Variants in NRCAM observed in about 807,000 individuals in gnomAD.
The protein encoded by NRCAM is neuronal cell adhesion molecule.
NRCAM carries 83 observed loss-of-function variants against 156.5 expected under a neutral mutation model. The observed-to-expected ratio is 0.53, with a 90% CI of 0.44 to 0.64. The LOEUF (loss-of-function observed/expected upper bound fraction) is 0.64, where lower values mean the gene tolerates loss of function less well. Among genes scored for constraint, NRCAM ranks in the 30% least tolerant of loss-of-function variants. NRCAM has a pLI of 0.00. For synonymous variants in NRCAM, 538 were observed against 563.9 expected, an observed-to-expected ratio of 0.95 and a Z score of 0.65; for missense variants, 1,417 against 1,597.3, an observed-to-expected ratio of 0.89 and a Z score of 1.92.
At position 108,440,784 on chromosome 7, in the gene NRCAM, A is replaced by G. The variant is rs571802014; in HGVS notation, c.-332+15459T>C. Among the ~76,000 whole-genome samples the G allele has an allele frequency of 6.2e-4, 95 of 152,322 alleles. 1 individual carries two copies. The highest frequency in any genetic ancestry group is 1.9e-4 in the East Asian group (1 of 5,188). ...AAAGGTCAGAAGCGGTGAGTTCTGG[A>G]GTTCTTTATGGTGTCCTGGGAATGC... On this transcript the variant is annotated intron_variant, in intron 1 of 32. Coordinates refer to ENST00000379028, the MANE Select transcript of NRCAM (RefSeq NM_001037132.4).
At chr7:108,350,364 C>CT (rs1211872923) in intron 2 of NRCAM, among the ~76,000 whole-genome samples, 1 of 152,194 alleles carries the variant, frequency 6.6e-6, no homozygotes, top group East Asian at 1.9e-4. Flanking sequence ...ATCTGTGACT[C>CT]TTTACTCATC....
chr7:108,189,773 G>C, intron 19 of NRCAM, 27 bp from the exon 20 acceptor site: 1 of 831,266 alleles, frequency 1.2e-6, no homozygotes, highest in Non-Finnish European at 2.1e-6. Flanking sequence ...CACACATCAT[G>C]GTCACGCATC....
chr7:108,348,368 TG>T (rs914846091), intron 2 of NRCAM, among the ~76,000 whole-genome samples: 3 of 152,070 alleles, frequency 2.0e-5, no homozygotes, highest in African/African-American at 7.2e-5. Context: ...AGGCTGAGCC[TG>T]GGGGTTGTGA....
intron 3 of NRCAM, among the ~76,000 whole-genome samples, chr7:108,299,134 GA>G (rs1212155849): frequency 1.2e-5 from 1 of 85,570 alleles, no homozygotes; most frequent in Non-Finnish European, 2.4e-5. Context: ...AAGAAAGAAA[GA>G]AAGAAAAGAA....
chr7:108,172,853 T>C (rs1044716645), intron 28 of NRCAM, among the ~76,000 whole-genome samples: 1 of 152,306 alleles, frequency 6.6e-6, no homozygotes, highest in African/African-American at 2.4e-5. Flanking sequence ...TTCATTAACA[T>C]CTCTTAAAAT....
chr7:108,438,207 CAGACCAAGGCATTATA>C (rs1245299936), intron 1 of NRCAM, among the ~76,000 whole-genome samples: 2 of 152,044 alleles, frequency 1.3e-5, no homozygotes, highest in Non-Finnish European at 2.9e-5. Flanking sequence ...GTAACAAAAT[CAGACCAAGGCATTATA>C]AGACCAGAAA....
At chr7:108,231,237 G>T in intron 7 of NRCAM, 84 bp from the exon 8 acceptor site, 1 of 919,572 alleles carries the variant, frequency 1.1e-6, no homozygotes, top group Non-Finnish European at 1.6e-6. Context: ...GCAAACTGAA[G>T]TTTTGGAGAA....
At chr7:108,333,277 C>T (rs1392469622) in intron 2 of NRCAM, among the ~76,000 whole-genome samples, 2 of 152,158 alleles carry the variant, frequency 1.3e-5, no homozygotes. Context: ...TAAACACATA[C>T]ACGCACACAC....
chr7:108,163,570 C>G (rs2050817021), intron 30 of NRCAM, among the ~76,000 whole-genome samples: 1 of 152,156 alleles, frequency 6.6e-6, no homozygotes, highest in South Asian at 2.1e-4. Flanking sequence ...GACAAAAAAG[C>G]TGTTGGGCCT....
At chr7:108,378,779 G>C (rs553689876) in intron 2 of NRCAM, among the ~76,000 whole-genome samples, 1 of 150,486 alleles carries the variant, frequency 6.6e-6, no homozygotes, top group South Asian at 2.1e-4. Context: ...GGTGGATAAA[G>C]AGAAGGAAAG....
intron 1 of NRCAM, among the ~76,000 whole-genome samples, chr7:108,436,657 C>G (rs1832589699): frequency 6.6e-6 from 1 of 152,116 alleles, no homozygotes; most frequent in Non-Finnish European, 1.5e-5. Context: ...ATTCAGCTCA[C>G]TGTTCACATC....
chr7:108,448,268 TTAGAG>T (rs1222511324), intron 1 of NRCAM, among the ~76,000 whole-genome samples: 2 of 152,224 alleles, frequency 1.3e-5, no homozygotes, highest in Non-Finnish European at 2.9e-5. Context: ...GTTGTTCACA[TTAGAG>T]TATTTATTAT....
intron 32 of NRCAM, among the ~76,000 whole-genome samples, chr7:108,151,202 T>G (rs2041379970): frequency 6.6e-6 from 1 of 152,100 alleles, no homozygotes; most frequent in Admixed American, 6.6e-5. Flanking sequence ...TATTTTTTAA[T>G]AGGTAACATT....
At chr7:108,287,611 T>C (rs187422514) in intron 3 of NRCAM, among the ~76,000 whole-genome samples, 18 of 151,586 alleles carry the variant, frequency 1.2e-4, no homozygotes, top group Non-Finnish European at 2.2e-4. Context: ...AAAATGAATA[T>C]GAAAACCATT....
chr7:108,225,254 G>T (rs552537799), intron 10 of NRCAM, among the ~76,000 whole-genome samples: 1 of 152,256 alleles, frequency 6.6e-6, no homozygotes, highest in South Asian at 2.1e-4. Flanking sequence ...AATGTTAGTT[G>T]CTAAAAGCTT....
rs144197792 is a variant in NRCAM at position 108,218,359 on chromosome 7, A to G, written c.890+5366T>C. ...GCATCGATCTTGCTGGGAGCTGCAG[A>G]TTGGAGCTGCTCCTATTCAGCCATC... On this transcript the variant is annotated intron_variant, in intron 11 of 32. Transcript: ENST00000379028. Among the ~76,000 whole-genome samples, 720 of 152,318 alleles carry G rather than the reference A, an allele frequency of 4.7e-3. 10 individuals are homozygous for G. Among genetic ancestry groups the G allele is most frequent in the African/African-American group, 0.017 (693 of 41,574 alleles).
At chr7:108,434,603 G>T (rs1226332209) in intron 1 of NRCAM, among the ~76,000 whole-genome samples, 1 of 151,646 alleles carries the variant, frequency 6.6e-6, no homozygotes, top group East Asian at 1.9e-4. Context: ...ACAGCTGAAT[G>T]TAAGAGCTGG....
intron 3 of NRCAM, among the ~76,000 whole-genome samples, chr7:108,256,013 GC>G (rs1318879945): frequency 2.5e-4 from 36 of 146,200 alleles, no homozygotes; most frequent in Admixed American, 1.6e-3. Flanking sequence ...GGTGGGGGCA[GC>G]CCCCGCCCGG....
intron 2 of NRCAM, among the ~76,000 whole-genome samples, chr7:108,321,088 C>A (rs1309885454): frequency 6.6e-6 from 1 of 152,216 alleles, no homozygotes; most frequent in Non-Finnish European, 1.5e-5. Flanking sequence ...AGGTTTGGCT[C>A]ATATAACTTG....
Sources: allele counts gnomAD v4.1 joint callset (sites outside exome capture counted in the v4.1 genomes callset), GRCh38; gene constraint gnomAD v4.1.1; transcripts MANE v1.5; gene names NCBI Gene and HGNC (gene_info 2026-07-23, HGNC 2026-07-21).